KIRREL3: variants seen among roughly 807,000 people sequenced by gnomAD.
KIRREL3 encodes the protein kin of IRRE-like protein 3.
Under a neutral mutation model 89.7 loss-of-function variants are expected in KIRREL3, and 36 were observed. The ratio of observed to expected loss-of-function variants is 0.40; its 90% CI spans 0.31 to 0.53. The LOEUF (loss-of-function observed/expected upper bound fraction) is 0.53. Among genes scored for constraint, KIRREL3 ranks in the 20% least tolerant of loss-of-function variants. The probability of loss-of-function intolerance (pLI) is 0.49; values close to 1 mark genes in which losing one functional copy is unlikely to be tolerated. For synonymous variants in KIRREL3, 445 were observed against 441.4 expected (o/e 1.01, Z -0.10); for missense variants, 864 against 1,056.6 (o/e 0.82, Z 2.53).
rs779682348 is a variant in KIRREL3 at position 126,576,768 on chromosome 11, G to A, written c.56-13856C>T. 5.3e-4 allele frequency among the ~76,000 whole-genome samples: 80 copies of A among 152,154 alleles called. No individual in the cohort carries two copies. Among genetic ancestry groups the A allele is most frequent in the Non-Finnish European group, 7.2e-4 (49 of 68,020 alleles). ...TTAGATTTTTGATGCACACTGAGAGGGTCCTTTTTAATCAGCTGAGGAGCA... is the reference window on the plus strand; with the variant it reads ...TTAGATTTTTGATGCACACTGAGAGAGTCCTTTTTAATCAGCTGAGGAGCA... On this transcript the variant is annotated intron_variant, in intron 1 of 16. Transcript: ENST00000525144. The surrounding 1 kb of genome is among the most constrained non-coding windows in gnomAD (Gnocchi z 5.4).
In KIRREL3 at chr11:126,642,985, C is replaced by CCCATCCAT. The variant is rs372066492; in HGVS notation, c.56-80081_56-80074dup. Among the ~76,000 whole-genome samples the CCCATCCAT allele has an allele frequency of 0.028, 4,271 of 150,736 alleles. 65 individuals are homozygous for CCCATCCAT. Among genetic ancestry groups the CCCATCCAT allele is most frequent in the Middle Eastern group, 0.092 (27 of 294 alleles). Reference sequence around the variant, plus strand: ...GGTACTTTGGCCTCCCTTCTTCCCTCCCATCCATCCATCCATCCATCCATC... The same window carrying CCCATCCAT: ...GGTACTTTGGCCTCCCTTCTTCCCTCCCATCCATCCATCCATCCATCCATCCATCCATC... On this transcript the variant is annotated intron_variant, in intron 1 of 16. Coordinates refer to ENST00000525144, the MANE Select transcript of KIRREL3 (RefSeq NM_032531.4). This position sits in a 1 kb window ranked among gnomAD's most constrained non-coding sequence, Gnocchi z 4.9.
rs1162482893 is a variant in KIRREL3, at chr11:126,686,445, AATGGAAG to A, written c.56-123540_56-123534del. On this transcript the variant is annotated intron_variant, in intron 1 of 16. Transcript: ENST00000525144. This position sits in a 1 kb window ranked among gnomAD's most constrained non-coding sequence, Gnocchi z 4.7. ...TAAGCCTTGTGGGTCTGTGGAAGAG[AATGGAAG>A]ATACACAAAGGAAGGGAGTCCCAAG... Among the ~76,000 whole-genome samples, 1 of 152,092 alleles carries A rather than the reference AATGGAAG, an allele frequency of 6.6e-6. No individual in the cohort carries two copies. Among genetic ancestry groups the A allele is most frequent in the Non-Finnish European group, 1.5e-5 (1 of 68,026 alleles).
chr11:126,460,857 C>T (rs545702470), intron 6 of KIRREL3, among the ~76,000 whole-genome samples: 5 of 152,332 alleles, frequency 3.3e-5, no homozygotes, highest in African/African-American at 2.4e-5. Context: ...GCTGCTGTCG[C>T]AGGGGGCCAG....
chr11:126,804,741 A>T (rs145876154), intron 1 of KIRREL3, among the ~76,000 whole-genome samples: 226 of 152,336 alleles, frequency 1.5e-3, no homozygotes, highest in Non-Finnish European at 2.6e-3. Flanking sequence ...GCTGAAAGTA[A>T]CTGAAAATCA....
chr11:126,960,167 A>C (rs1949043423), intron 1 of KIRREL3, among the ~76,000 whole-genome samples: 1 of 152,210 alleles, frequency 6.6e-6, no homozygotes, highest in African/African-American at 2.4e-5. Flanking sequence ...CGCAGGAGAC[A>C]AGAAACAGAA....
intron 1 of KIRREL3, among the ~76,000 whole-genome samples, chr11:126,589,961 G>T (rs377212109): frequency 2.1e-4 from 32 of 152,302 alleles, no homozygotes; most frequent in African/African-American, 5.8e-4. Context: ...AGGAGCAGGG[G>T]CTCCCTCTGA....
At chr11:126,863,104 G>A (rs1000459508) in intron 1 of KIRREL3, among the ~76,000 whole-genome samples, 10 of 152,250 alleles carry the variant, frequency 6.6e-5, no homozygotes, top group African/African-American at 2.4e-4. Context: ...CCTGCTGATG[G>A]CTGGCTGCTG....
At chr11:126,560,215 G>T (rs1940013053) in intron 2 of KIRREL3, among the ~76,000 whole-genome samples, 1 of 151,584 alleles carries the variant, frequency 6.6e-6, no homozygotes, top group African/African-American at 2.4e-5. Context: ...GCCCTTTGTT[G>T]ATTTCTGTTT....
rs1940166077 is a variant in KIRREL3, at chr11:126,562,052, G to A, written c.133+783C>T. 6.6e-6 allele frequency among the ~76,000 whole-genome samples: 1 copy of A among 152,190 alleles called. No homozygotes were observed. Among genetic ancestry groups the A allele is most frequent in the African/African-American group, 2.4e-5 (1 of 41,456 alleles). On this transcript the variant is annotated intron_variant, in intron 2 of 16. Transcript: ENST00000525144. The surrounding 1 kb of genome is among the most constrained non-coding windows in gnomAD (Gnocchi z 4.7). ...GTGGGAGCCAAGGCTTCATTTGTCT[G>A]ACTTTAATGAATAAATGGCATCCCC...
intron 1 of KIRREL3, among the ~76,000 whole-genome samples, chr11:126,915,603 A>G (rs1368928930): frequency 1.3e-5 from 2 of 152,172 alleles, no homozygotes; most frequent in African/African-American, 2.4e-5. Context: ...ATTGACTCAC[A>G]TGAAGAGTGG....
rs571218445 is a variant in KIRREL3 at position 126,676,529 on chromosome 11, T to C, written c.56-113617A>G. Among the ~76,000 whole-genome samples, 198 of 152,172 alleles carry C rather than the reference T, an allele frequency of 1.3e-3. 1 individual carries two copies. Among genetic ancestry groups the C allele is most frequent in the African/African-American group, 4.4e-3 (184 of 41,528 alleles). On this transcript the variant is annotated intron_variant, in intron 1 of 16. Coordinates refer to ENST00000525144, the MANE Select transcript of KIRREL3 (RefSeq NM_032531.4). This position sits in a 1 kb window ranked among gnomAD's most constrained non-coding sequence, Gnocchi z 4.5. Reference sequence around the variant, plus strand: ...GTTGTATTGTTTTGTTTTGTTTGAGTTGGGGGGAGATGCTGCGAGTCCTTT... The same window carrying C: ...GTTGTATTGTTTTGTTTTGTTTGAGCTGGGGGGAGATGCTGCGAGTCCTTT...
At chr11:126,859,941 C>A (rs1473141913) in intron 1 of KIRREL3, among the ~76,000 whole-genome samples, 1 of 152,188 alleles carries the variant, frequency 6.6e-6, no homozygotes, top group Non-Finnish European at 1.5e-5. Context: ...AGTTGAAAAC[C>A]AATCTTTTCT....
At chr11:126,923,193 T>TTCTTCTTC (rs1947471210) in intron 1 of KIRREL3, among the ~76,000 whole-genome samples, 10 of 10,150 alleles carry the variant, frequency 9.9e-4, no homozygotes, top group South Asian at 5.3e-3. Context: ...TCTTCTCTTC[T>TTCTTCTTC]TCTTCTTCTT....
rs1459966379 is a variant in KIRREL3 at position 126,587,486 on chromosome 11, T to C, written c.56-24574A>G. ...ATCACATTCCCAAACCCACAGCGCTTCCCTCTCACCAACCCTGTAGCCTGC... is the reference window on the plus strand; with the variant it reads ...ATCACATTCCCAAACCCACAGCGCTCCCCTCTCACCAACCCTGTAGCCTGC... On this transcript the variant is annotated intron_variant, in intron 1 of 16. Coordinates refer to ENST00000525144, the MANE Select transcript of KIRREL3 (RefSeq NM_032531.4). This position sits in a 1 kb window ranked among gnomAD's most constrained non-coding sequence, Gnocchi z 5.2. Among the ~76,000 whole-genome samples the C allele has an allele frequency of 6.6e-6, 1 of 152,084 alleles. No individual in the cohort carries two copies. Among genetic ancestry groups the C allele is most frequent in the Non-Finnish European group, 1.5e-5 (1 of 68,024 alleles).
rs1045246650 is a variant in KIRREL3, at chr11:126,623,271, C to T, written c.56-60359G>A. Reference sequence around the variant, plus strand: ...AGGATGGGAAACCAAAGTGTCTTTGCACATAAACAGACTGCCTCCCTGGAA... The same window carrying T: ...AGGATGGGAAACCAAAGTGTCTTTGTACATAAACAGACTGCCTCCCTGGAA... On this transcript the variant is annotated intron_variant, in intron 1 of 16. Coordinates refer to ENST00000525144, the MANE Select transcript of KIRREL3 (RefSeq NM_032531.4). This position sits in a 1 kb window ranked among gnomAD's most constrained non-coding sequence, Gnocchi z 4.1. Among the ~76,000 whole-genome samples the T allele has an allele frequency of 1.4e-4, 21 of 152,268 alleles. No homozygotes were observed. The highest frequency in any genetic ancestry group is 5.1e-4 in the African/African-American group (21 of 41,546).
chr11:126,582,172 TG>T (rs1941584823), intron 1 of KIRREL3, among the ~76,000 whole-genome samples: 1 of 152,226 alleles, frequency 6.6e-6, no homozygotes. Flanking sequence ...GGAGCCTCTC[TG>T]GGCTTTTGTC....
In KIRREL3 at chr11:126,705,009, G is replaced by C. The variant is rs1197379212; in HGVS notation, c.56-142097C>G. Among the ~76,000 whole-genome samples, 1 of 152,176 alleles carries C rather than the reference G, an allele frequency of 6.6e-6. No individual in the cohort carries two copies. The highest frequency in any genetic ancestry group is 1.5e-5 in the Non-Finnish European group (1 of 68,032). On this transcript the variant is annotated intron_variant, in intron 1 of 16. Transcript: ENST00000525144. This position sits in a 1 kb window ranked among gnomAD's most constrained non-coding sequence, Gnocchi z 4.3. ...GTGGGAGGACTCTTGGGTCAGAACT[G>C]TATTTGTGGGTGGTAAATTTATATC...
intron 1 of KIRREL3, among the ~76,000 whole-genome samples, chr11:126,934,215 G>T (rs1163673049): frequency 2.0e-5 from 3 of 152,074 alleles, no homozygotes; most frequent in East Asian, 1.9e-4. Context: ...TTCAATGGAA[G>T]AATAGTCTTT....
Position 126,860,178 on chromosome 11 carries a change from A to C in KIRREL3, c.55+140277T>G, listed in dbSNP as rs1239969175. Among the ~76,000 whole-genome samples the C allele has an allele frequency of 6.6e-6, 1 of 152,202 alleles. No individual in the cohort carries two copies. Among genetic ancestry groups the C allele is most frequent in the African/African-American group, 2.4e-5 (1 of 41,454 alleles). On this transcript the variant is annotated intron_variant, in intron 1 of 16. Transcript: ENST00000525144. The surrounding 1 kb of genome is among the most constrained non-coding windows in gnomAD (Gnocchi z 4.6). The stretch of plus-strand genomic sequence containing the variant: ...ATTTCAATACAACAAACAGGTAACG[A>C]GCATTTGTGATGTGCCCGTTGCTGG...
Sources: gnomAD v4.1 joint callset for allele counts (sites outside exome capture counted in the v4.1 genomes callset) on GRCh38, gnomAD v4.1.1 for gene constraint, Gnocchi (gnomAD v3.1) non-coding constraint, MANE v1.5 for transcripts, NCBI Gene and HGNC (gene_info 2026-07-23, HGNC 2026-07-21) for gene names.